FAM185A: variants seen among roughly 807,000 people sequenced by gnomAD.
The protein encoded by FAM185A is family with sequence similarity 185 member A.
In FAM185A, 21 loss-of-function variants were observed where a neutral mutation model predicts 45.7. The ratio of observed to expected loss-of-function variants is 0.46; its 90% CI spans 0.33 to 0.66. The LOEUF is 0.66. Ranked by LOEUF, FAM185A falls within the 30% of genes least tolerant of loss-of-function variation. The pLI is 0.03. For synonymous variants in FAM185A, 117 were observed against 194.0 expected (o/e 0.60, Z 3.30); for missense variants, 305 against 485.4 (o/e 0.63, Z 3.49).
chr7:102,807,867 T>C (rs1231861054), intron 7 of FAM185A, among the ~76,000 whole-genome samples: 2 of 152,138 alleles, frequency 1.3e-5, no homozygotes, highest in Admixed American at 6.6e-5. Flanking sequence ...AAAACCAGCC[T>C]GGCCAACATG....
intron 7 of FAM185A, among the ~76,000 whole-genome samples, chr7:102,790,130 T>A (rs1045878067): frequency 6.6e-6 from 1 of 152,148 alleles, no homozygotes; most frequent in Non-Finnish European, 1.5e-5. Context: ...ATAAAAAGTA[T>A]AGTAAATACA....
At chr7:102,809,989 C>T (rs1446836914), downstream of FAM185A, among the ~76,000 whole-genome samples, 3 of 152,052 alleles carry the variant, frequency 2.0e-5, no homozygotes, top group Non-Finnish European at 4.4e-5. Context: ...CCTGCTCTTG[C>T]CATGTGATGT....
At chr7:102,784,209 A>C (rs892978079) in intron 6 of FAM185A, among the ~76,000 whole-genome samples, 4 of 151,714 alleles carry the variant, frequency 2.6e-5, no homozygotes, top group Non-Finnish European at 5.9e-5. Context: ...ACCAACCAAA[A>C]AAAGTCCAGG....
At chr7:102,771,262 A>C (rs1794728847) in intron 4 of FAM185A, among the ~76,000 whole-genome samples, 1 of 152,098 alleles carries the variant, frequency 6.6e-6, no homozygotes, top group East Asian at 1.9e-4. Context: ...TACTATGCCT[A>C]GTACCTGGGT....
chr7:102,793,893 G>T (rs1796285067), intron 7 of FAM185A, among the ~76,000 whole-genome samples: 1 of 151,846 alleles, frequency 6.6e-6, no homozygotes, highest in Admixed American at 6.5e-5. Flanking sequence ...ACAAAAATTA[G>T]CTGGGCGTGG....
the FAM185A span, chr7:102,832,988 C>G: frequency 2.5e-6 from 4 of 1,613,786 alleles, no homozygotes; most frequent in Non-Finnish European, 3.4e-6. Context: ...CAAAAAATTC[C>G]AAGGTCAAAT....
chr7:102,755,732 C>G, intron 2 of FAM185A: 1 of 563,898 alleles, frequency 1.8e-6, no homozygotes, highest in Non-Finnish European at 3.2e-6. Flanking sequence ...ACAGGAAGAC[C>G]TACACCACTG....
the FAM185A span, among the ~76,000 whole-genome samples, chr7:102,834,380 T>TTA: frequency 0.041 from 5,966 of 145,262 alleles, 406 homozygotes; most frequent in African/African-American, 0.14. Context: ...TATATATAAA[T>TTA]TATATATATA....
chr7:102,814,524 T>G, the FAM185A span: 1 of 152,340 alleles, frequency 6.6e-6, no homozygotes, highest in African/African-American at 2.4e-5. Context: ...AAACTTTAGA[T>G]GTATTAAAAT....
rs575453914 is a variant in FAM185A at position 102,749,411 on chromosome 7, A to G, written c.204A>G (p.Thr68=). 69 of 1,548,416 alleles carry G rather than the reference A, an allele frequency of 4.5e-5. No homozygotes were observed. The African/African-American group carries it at 9.0e-4, about 20-fold the overall frequency. Residue 68 remains threonine (T), a synonymous_variant, in exon 1 of 8, where the codon ACA becomes ACG. Coordinates refer to ENST00000413034, the MANE Select transcript of FAM185A (RefSeq NM_001145268.2). ...GPGRRTLKEW[T]LQVSPFGRLR... is the part of the protein sequence containing the mutation. ...GGCGCCGAACTCTGAAGGAGTGGAC[A>G]CTGCAGGTGAGCCCGTTTGGTCGGC...
chr7:102,751,999 G>C (rs1793392955), intron 2 of FAM185A, among the ~76,000 whole-genome samples, 198 bp downstream of exon 2: 1 of 151,632 alleles, frequency 6.6e-6, no homozygotes, highest in Non-Finnish European at 1.5e-5. Context: ...TTGAGGTTTT[G>C]CCTCAAATTT....
At chr7:102,803,454 A>T (rs1796916147) in intron 7 of FAM185A, among the ~76,000 whole-genome samples, 1 of 152,248 alleles carries the variant, frequency 6.6e-6, no homozygotes, top group Non-Finnish European at 1.5e-5. Context: ...CAATAGATGC[A>T]GAAAAAGCAT....
intron 4 of FAM185A, among the ~76,000 whole-genome samples, chr7:102,770,146 AC>A (rs1188168985): frequency 1.3e-5 from 2 of 151,924 alleles, no homozygotes; most frequent in Non-Finnish European, 2.9e-5. Flanking sequence ...TTCTTCACTA[AC>A]TTTTTTGGTG....
rs1278061115 is a variant in FAM185A, at chr7:102,786,613, G to A, written c.932-722G>A. On this transcript the variant is annotated intron_variant, in intron 6 of 7. Coordinates refer to ENST00000413034, the MANE Select transcript of FAM185A (RefSeq NM_001145268.2). The stretch of plus-strand genomic sequence containing the variant: ...AAACACCACATGTTCTCACTGATAG[G>A]TGGGAATTGAACAATGAGAACACAT... Among the ~76,000 whole-genome samples the A allele has an allele frequency of 3.9e-5, 6 of 152,294 alleles. No homozygotes were observed. In the East Asian group the frequency reaches 1.2e-3, roughly 29 times the overall value.
At chr7:102,819,209 G>C in the FAM185A span, among the ~76,000 whole-genome samples, 2 of 152,082 alleles carry the variant, frequency 1.3e-5, no homozygotes, top group Admixed American at 6.5e-5. Flanking sequence ...CCCACAGAGG[G>C]CCATAAGTTG....
chr7:102,758,593 A>T (rs1220388614), intron 3 of FAM185A, among the ~76,000 whole-genome samples: 1 of 151,718 alleles, frequency 6.6e-6, no homozygotes, highest in Non-Finnish European at 1.5e-5. Flanking sequence ...ATTGTCATTT[A>T]AAAAATGTGA....
At chr7:102,756,691 A>C (rs2129432880) in intron 2 of FAM185A, among the ~76,000 whole-genome samples, 1 of 146,092 alleles carries the variant, frequency 6.8e-6, no homozygotes, top group Admixed American at 6.8e-5. Flanking sequence ...CCAAACATCT[A>C]ATGGCTCATA....
At chr7:102,839,475 A>G in the FAM185A span, among the ~76,000 whole-genome samples, 3 of 152,154 alleles carry the variant, frequency 2.0e-5, no homozygotes, top group Admixed American at 6.5e-5. Context: ...GACGAGAAAT[A>G]CCCACAGGTG....
At chr7:102,756,338 T>A (rs1372779447) in intron 2 of FAM185A, among the ~76,000 whole-genome samples, 2 of 152,012 alleles carry the variant, frequency 1.3e-5, no homozygotes, top group Admixed American at 1.3e-4. Context: ...ATATAATGAT[T>A]AAGGGAAAAT....
Sources: gnomAD v4.1 joint callset for allele counts (sites outside exome capture counted in the v4.1 genomes callset) on GRCh38, gnomAD v4.1.1 for gene constraint, MANE v1.5 for transcripts, NCBI Gene and HGNC (gene_info 2026-07-23, HGNC 2026-07-21) for gene names.